DAB1: variants seen among roughly 807,000 people sequenced by gnomAD.
DAB1 encodes disabled homolog 1.
DAB1 carries 15 observed loss-of-function variants against 64.6 expected under a neutral mutation model. That is an observed-to-expected ratio of 0.23 (90% CI 0.16 to 0.36). The LOEUF is 0.36. Ranked by LOEUF, DAB1 falls within the 10% of genes least tolerant of loss-of-function variation. The pLI is 1.00. For missense variants in DAB1, 596 were observed against 706.7 expected (o/e 0.84, Z 1.78); for synonymous variants, 235 against 251.9 (o/e 0.93, Z 0.64).
At chr1:57,608,713 A>C (rs1645690561) in intron 7 of DAB1, among the ~76,000 whole-genome samples, 1 of 152,186 alleles carries the variant, frequency 6.6e-6, no homozygotes, top group South Asian at 2.1e-4. Flanking sequence ...AAGGCTCAGT[A>C]AGGTTAAGTA....
At chr1:57,158,370 G>A (rs1044419484) in intron 2 of DAB1, among the ~76,000 whole-genome samples, 7 of 152,230 alleles carry the variant, frequency 4.6e-5, no homozygotes, top group South Asian at 2.1e-4. Flanking sequence ...GTTCCTTCCC[G>A]AAGGCAATAG....
chr1:57,080,756 G>GCACA lies in DAB1; in HGVS notation c.307-8346_307-8343dup, dbSNP rs71801142. Among the ~76,000 whole-genome samples the GCACA allele has an allele frequency of 8.3e-3, 1,195 of 143,358 alleles. 22 individuals are homozygous for GCACA. Among genetic ancestry groups the GCACA allele is most frequent in the African/African-American group, 0.03 (1,081 of 35,684 alleles). The allele number at this position is 143,358 out of a possible 152,430, so 94.0% of individuals were successfully genotyped here. On this transcript the variant is annotated intron_variant, in intron 4 of 14. Coordinates refer to ENST00000371236, the MANE Select transcript of DAB1 (RefSeq NM_001365792.1). ...TTACAACACACACACACACACACACGCACACACACACACACACACCTTAAA... is the reference window on the plus strand; with the variant it reads ...TTACAACACACACACACACACACACGCACACACACACACACACACACACCTTAAA...
intron 7 of DAB1, among the ~76,000 whole-genome samples, chr1:57,604,257 C>T (rs1246486818): frequency 6.6e-6 from 1 of 152,224 alleles, no homozygotes; most frequent in East Asian, 1.9e-4. Context: ...CCACACTGAG[C>T]TTCAACATCC....
chr1:57,505,914 C>G (rs147338362), intron 7 of DAB1, among the ~76,000 whole-genome samples: 1 of 152,150 alleles, frequency 6.6e-6, no homozygotes, highest in Non-Finnish European at 1.5e-5. Flanking sequence ...AAGCAATCTG[C>G]CCCGCCTCAG....
chr1:57,632,890 T>A (rs1354053752), intron 7 of DAB1, among the ~76,000 whole-genome samples: 2 of 152,218 alleles, frequency 1.3e-5, no homozygotes, highest in Non-Finnish European at 2.9e-5. Flanking sequence ...AGGATACTTT[T>A]CTTTTAAATT....
chr1:57,497,130 A>G (rs755101902), intron 7 of DAB1, among the ~76,000 whole-genome samples: 4 of 152,236 alleles, frequency 2.6e-5, no homozygotes, highest in Non-Finnish European at 4.4e-5. Context: ...TTCCTCAGAA[A>G]GGCTTTCTCT....
In DAB1 at chr1:57,693,266, T is replaced by A. The variant is rs1019057708; in HGVS notation, n.552-43601A>T. 3.2e-4 allele frequency among the ~76,000 whole-genome samples: 49 copies of A among 152,134 alleles called. 1 individual carries two copies. Among genetic ancestry groups the A allele is most frequent in the Admixed American group, 2.7e-3 (41 of 15,266 alleles). On this transcript the variant is annotated intron_variant and non_coding_transcript_variant, in intron 6 of 20. Coordinates refer to the DAB1 transcript ENST00000485760. Reference sequence around the variant, plus strand: ...CCAATTCCCAACAGCAGCTGGGGTGTCCTGTTTAGAGGGGGGATTAAGAGG... The same window carrying A: ...CCAATTCCCAACAGCAGCTGGGGTGACCTGTTTAGAGGGGGGATTAAGAGG...
At chr1:58,435,382 C>T (rs1368241657) in intron 3 of DAB1, among the ~76,000 whole-genome samples, 3 of 152,078 alleles carry the variant, frequency 2.0e-5, no homozygotes, top group African/African-American at 7.3e-5. Flanking sequence ...CTTTCCATGA[C>T]CTTGTTTTTC....
intron 4 of DAB1, among the ~76,000 whole-genome samples, chr1:58,169,853 G>T (rs2100764128): frequency 6.6e-6 from 1 of 152,270 alleles, no homozygotes; most frequent in Non-Finnish European, 1.5e-5. Flanking sequence ...GCTGTAGGGG[G>T]AAGGGGATTT....
chr1:57,473,455 T>C (rs79319789), intron 7 of DAB1, among the ~76,000 whole-genome samples: 1 of 152,310 alleles, frequency 6.6e-6, no homozygotes, highest in East Asian at 1.9e-4. Context: ...TCATCCTTAC[T>C]AAGACCTTTC....
At chr1:57,951,624 A>G (rs72920695) in intron 5 of DAB1, among the ~76,000 whole-genome samples, 2,842 of 152,126 alleles carry the variant, frequency 0.019, 44 homozygotes, top group East Asian at 0.041. Context: ...CCTCTGGCAA[A>G]TGGACAACAG....
chr1:57,151,807 ATTTTTTT>A (rs34012935), intron 2 of DAB1, among the ~76,000 whole-genome samples: 36 of 106,238 alleles, frequency 3.4e-4, no homozygotes, highest in East Asian at 1.2e-3. Context: ...CTAATGTTTA[ATTTTTTT>A]TTTTTTTTTT....
chr1:56,998,529 G>C (rs549531525), intron 14 of DAB1, among the ~76,000 whole-genome samples: 3 of 152,306 alleles, frequency 2.0e-5, no homozygotes, highest in African/African-American at 7.2e-5. Context: ...AAAGTATCTA[G>C]CACAATGCTT....
At chr1:58,544,295 C>T (rs1355966346) in intron 1 of DAB1, among the ~76,000 whole-genome samples, 1 of 151,998 alleles carries the variant, frequency 6.6e-6, no homozygotes, top group Admixed American at 6.6e-5. Context: ...TTAATGAGTG[C>T]CCACTAAATG....
intron 6 of DAB1, among the ~76,000 whole-genome samples, chr1:57,679,907 T>C (rs1646616641): frequency 6.6e-6 from 1 of 152,222 alleles, no homozygotes; most frequent in Non-Finnish European, 1.5e-5. Context: ...AGGTTGGTAC[T>C]GTCACTGGCT....
intron 6 of DAB1, among the ~76,000 whole-genome samples, chr1:57,756,028 C>T (rs1352171830): frequency 6.0e-5 from 9 of 149,720 alleles, no homozygotes; most frequent in African/African-American, 2.2e-4. Flanking sequence ...CGTTCCTGTA[C>T]TTACTCTGCA....
At position 58,233,683 on chromosome 1, in the gene DAB1, G is replaced by C. The variant is rs190764204; in HGVS notation, n.310-83095C>G. 2.9e-4 allele frequency among the ~76,000 whole-genome samples: 44 copies of C among 152,302 alleles called. No homozygotes were observed. In the East Asian group the frequency reaches 8.5e-3, roughly 29 times the overall value. ...GTCACCTGGCTAGCAAGGCAGGTGG[G>C]AAAGCAAAGGATTCAAACCTGGAGT... On this transcript the variant is annotated intron_variant and non_coding_transcript_variant, in intron 4 of 20. Coordinates refer to the DAB1 transcript ENST00000485760.
chr1:57,710,641 GT>G (rs200796267), intron 6 of DAB1, among the ~76,000 whole-genome samples: 6 of 150,996 alleles, frequency 4.0e-5, no homozygotes, highest in Admixed American at 6.6e-5. Flanking sequence ...TTAATTTGCT[GT>G]TTTTTTTGGG....
chr1:57,742,739 A>G (rs1648062659), intron 6 of DAB1, among the ~76,000 whole-genome samples: 1 of 152,134 alleles, frequency 6.6e-6, no homozygotes, highest in African/African-American at 2.4e-5. Flanking sequence ...CTGAATCTGG[A>G]GTTGGGAGGG....
Sources: gnomAD v4.1 joint callset for allele counts (sites outside exome capture counted in the v4.1 genomes callset) on GRCh38, gnomAD v4.1.1 for gene constraint, MANE v1.5 for transcripts, NCBI Gene and HGNC (gene_info 2026-07-23, HGNC 2026-07-21) for gene names.